The following TBC1D22A variants were observed in gnomAD, a reference collection of about 807,000 sequenced individuals.
The protein encoded by TBC1D22A is putative GTPase activator.
A neutral mutation model predicts 60.2 loss-of-function variants in TBC1D22A; 38 were observed. The observed-to-expected ratio is 0.63, with a 90% CI of 0.49 to 0.83. The LOEUF (loss-of-function observed/expected upper bound fraction) is 0.83, where lower values mean the gene tolerates loss of function less well. TBC1D22A is among the 40% of genes least tolerant of loss of function. TBC1D22A has a pLI of 0.00. For missense variants in TBC1D22A, 628 were observed against 701.0 expected, an observed-to-expected ratio of 0.90 and a Z score of 1.18; for synonymous variants, 302 against 281.7, an observed-to-expected ratio of 1.07 and a Z score of -0.72.
intron 4 of TBC1D22A, among the ~76,000 whole-genome samples, chr22:46,841,047 G>GGTGGGTGTGTGTGT (rs1555909299): frequency 1.8e-4 from 26 of 147,538 alleles, no homozygotes; most frequent in African/African-American, 6.3e-4. Context: ...AATGAAAATG[G>GGTGGGTGTGTGTGT]GTGTGTGTGT....
chr22:46,830,523 G>T (rs2086264863), intron 4 of TBC1D22A, among the ~76,000 whole-genome samples: 1 of 152,246 alleles, frequency 6.6e-6, no homozygotes. Flanking sequence ...CGCTCCCATG[G>T]CACAGAGCAG....
At chr22:46,797,645 C>G (rs1408686299) in intron 4 of TBC1D22A, 25 bp downstream of exon 4, 1 of 1,561,248 alleles carries the variant, frequency 6.4e-7, no homozygotes, top group African/African-American at 1.4e-5. Context: ...CTCTGGAGGA[C>G]ACACACAGAC....
chr22:46,798,006 G>A (rs1181463274), intron 4 of TBC1D22A, among the ~76,000 whole-genome samples: 1 of 152,090 alleles, frequency 6.6e-6, no homozygotes, highest in East Asian at 1.9e-4. Context: ...TGAGTATGTG[G>A]GACTACAGGA....
intron 12 of TBC1D22A, among the ~76,000 whole-genome samples, chr22:47,167,516 CT>C (rs2068254664): frequency 1.3e-5 from 2 of 152,200 alleles, no homozygotes; most frequent in South Asian, 2.1e-4. Flanking sequence ...CATTACAGCT[CT>C]TTTGCTCTCG....
intron 8 of TBC1D22A, among the ~76,000 whole-genome samples, chr22:46,971,744 T>C (rs1447617645): frequency 6.6e-6 from 1 of 152,224 alleles, no homozygotes; most frequent in Non-Finnish European, 1.5e-5. Context: ...TTTCTGCATC[T>C]GTGAACCGGC....
At chr22:46,954,456 C>A (rs192898611) in intron 8 of TBC1D22A, among the ~76,000 whole-genome samples, 7 of 152,208 alleles carry the variant, frequency 4.6e-5, no homozygotes, top group Non-Finnish European at 7.3e-5. Flanking sequence ...TTGTTCAAGG[C>A]GGAGAGTTGT....
Position 46,792,546 on chromosome 22 carries a change from AC to A in TBC1D22A, c.96del (p.Phe33LeufsTer21), listed in dbSNP as rs771822190. On this transcript the variant is annotated frameshift_variant, in exon 2 of 13. Transcript: ENST00000337137. LOFTEE classifies it high-confidence loss of function. ...GSIQHVYGAQ[H>X]PPFDPLLHGT... is the part of the protein sequence containing the mutation. ...ATCCAGCACGTGTATGGTGCCCAGC[AC>A]CCCCCCTTTGATCCACTGTTACATG... is the stretch of plus-strand genomic sequence containing the variant. 4 of 1,612,788 alleles carry A rather than the reference AC, an allele frequency of 2.5e-6. No individual in the cohort carries two copies. The highest frequency in any genetic ancestry group is 1.3e-5 in the African/African-American group (1 of 74,472).
chr22:46,891,963 T>C (rs2068430512), intron 6 of TBC1D22A, among the ~76,000 whole-genome samples: 1 of 152,208 alleles, frequency 6.6e-6, no homozygotes, highest in South Asian at 2.1e-4. Flanking sequence ...TGTGTCTAAT[T>C]ATGGTTTCTT....
At chr22:47,117,113 G>A in intron 12 of TBC1D22A, 1 of 154,314 alleles carries the variant, frequency 6.5e-6, no homozygotes, top group Non-Finnish European at 1.4e-5. Context: ...ATTTGTAACA[G>A]CCTGCTCTGC....
chr22:46,852,448 G>A (rs1005051793), intron 4 of TBC1D22A, among the ~76,000 whole-genome samples: 4 of 152,184 alleles, frequency 2.6e-5, no homozygotes, highest in Non-Finnish European at 5.9e-5. Flanking sequence ...CTGAGCACAA[G>A]CTTATGAGAC....
chr22:46,912,461 TTATTC>T (rs2070007236), intron 8 of TBC1D22A, among the ~76,000 whole-genome samples: 2 of 152,226 alleles, frequency 1.3e-5, no homozygotes, highest in African/African-American at 4.8e-5. Flanking sequence ...GGAGTGTAGT[TTATTC>T]TAAAGGCCAT....
At chr22:47,164,046 C>T (rs1223856633) in intron 12 of TBC1D22A, among the ~76,000 whole-genome samples, 3 of 152,242 alleles carry the variant, frequency 2.0e-5, no homozygotes, top group African/African-American at 7.2e-5. Flanking sequence ...GGTAACAGAG[C>T]TGAGCCCTGT....
chr22:46,797,450 C>A lies in TBC1D22A; in HGVS notation c.467C>A (p.Ala156Asp), dbSNP rs1271097186. 2 of 1,612,670 alleles carry A rather than the reference C, an allele frequency of 1.2e-6. No homozygotes were observed. Among genetic ancestry groups the A allele is most frequent in the South Asian group, 1.1e-5 (1 of 90,992 alleles). ...CATTCTCTCACCCCTGCAGAAAGTG[C>A]CAGCGATGCCGCCCCTCTGCAGAGG... ...ESHTSCPAESASDAAPLQRSQ... is the reference protein window; with the variant it reads ...ESHTSCPAESDSDAAPLQRSQ... The change falls in exon 4 of 13, where the codon GCC (alanine) becomes GAC (aspartate). Residue 156 changes from alanine (A) to aspartate (D), a missense_variant. Ala to Asp is a moderately radical substitution (Grantham distance 126, BLOSUM62 -2). Coordinates refer to ENST00000337137, the MANE Select transcript of TBC1D22A (RefSeq NM_014346.5).
chr22:46,941,746 A>ATGCGGAATGTATATACGGAATATATATG (rs2072141079), intron 8 of TBC1D22A, among the ~76,000 whole-genome samples: 1 of 147,668 alleles, frequency 6.8e-6, no homozygotes, highest in Non-Finnish European at 1.5e-5. Flanking sequence ...GAATATATAT[A>ATGCGGAATGTATATACGGAATATATATG]TGCGGAATAT....
chr22:46,876,111 G>A lies in TBC1D22A; in HGVS notation c.638-2542G>A, dbSNP rs534493048. On this transcript the variant is annotated intron_variant, in intron 4 of 12. Transcript: ENST00000337137. Reference sequence around the variant, plus strand: ...AAAGTGGCGACGTCACAGAAACTTTGTAGTTTTGTGGGAACACCATAGGGC... The same window carrying A: ...AAAGTGGCGACGTCACAGAAACTTTATAGTTTTGTGGGAACACCATAGGGC... Among the ~76,000 whole-genome samples, 3 of 152,320 alleles carry A rather than the reference G, an allele frequency of 2.0e-5. No individual in the cohort carries two copies. The East Asian group carries it at 5.8e-4, about 29-fold the overall frequency.
intron 11 of TBC1D22A, among the ~76,000 whole-genome samples, chr22:47,063,672 T>G (rs131936): frequency 0.47 from 71,307 of 151,634 alleles, 17,416 homozygotes; most frequent in East Asian, 0.59. Context: ...AGAGCTGCCA[T>G]GTGTCACACA....
chr22:46,842,171 A>G (rs564442857), intron 4 of TBC1D22A, among the ~76,000 whole-genome samples: 1 of 152,214 alleles, frequency 6.6e-6, no homozygotes, highest in Non-Finnish European at 1.5e-5. Flanking sequence ...TCAATTTTGC[A>G]TTCTTTGGTA....
chr22:47,038,521 G>A (rs367952870), intron 11 of TBC1D22A, among the ~76,000 whole-genome samples: 2 of 152,198 alleles, frequency 1.3e-5, no homozygotes, highest in African/African-American at 2.4e-5. Context: ...CTCAGGCTGC[G>A]TGCGTTCTTC....
intron 8 of TBC1D22A, among the ~76,000 whole-genome samples, chr22:46,931,452 A>G (rs78530468): frequency 0.013 from 1,953 of 152,380 alleles, 34 homozygotes; most frequent in African/African-American, 0.043. Flanking sequence ...CAACAAATAC[A>G]TAAGAGGTAT....
Sources: allele counts gnomAD v4.1 joint callset (sites outside exome capture counted in the v4.1 genomes callset), GRCh38; gene constraint gnomAD v4.1.1; transcripts MANE v1.5; gene names NCBI Gene and HGNC (gene_info 2026-07-23, HGNC 2026-07-21).